ABCB10: variants seen among roughly 807,000 people sequenced by gnomAD.
ABCB10 encodes the protein ATP binding cassette subfamily B member 10.
ABCB10 carries 54 observed loss-of-function variants against 65.4 expected under a neutral mutation model. The observed-to-expected ratio is 0.83, with a 90% confidence interval of 0.66 to 1.04. The LOEUF is 1.04. Among genes scored for constraint, ABCB10 ranks in the 50% least tolerant of loss-of-function variants. The pLI is 0.00. For synonymous variants in ABCB10, 418 were observed against 406.5 expected (o/e 1.03, Z -0.34); for missense variants, 846 against 976.6 (o/e 0.87, Z 1.78).
chr1:229,545,767 A>G (rs751282676), intron 3 of ABCB10, among the ~76,000 whole-genome samples: 1 of 152,252 alleles, frequency 6.6e-6, no homozygotes, highest in Non-Finnish European at 1.5e-5. Context: ...TCTGAAATGC[A>G]TGGGTCAACT....
chr1:229,551,962 A>T (rs114291581), intron 1 of ABCB10, among the ~76,000 whole-genome samples: 1 of 152,210 alleles, frequency 6.6e-6, no homozygotes, highest in Non-Finnish European at 1.5e-5. Flanking sequence ...AGTTTTCTAA[A>T]TCAGTTATGA....
chr1:229,549,327 C>T lies in ABCB10; in HGVS notation c.625G>A (p.Asp209Asn), dbSNP rs200713703. The stretch of plus-strand genomic sequence containing the variant: ...CCTAGGCAGAGGCGGGTCAGGTTGT[C>T]GCTGTAGTCCACAGTGGGGTTGGTA... ...IYTNPTVDYS[D>N]NLTRLCLGLS... The change falls in exon 2 of 13, where the codon GAC (aspartate) becomes AAC (asparagine). Residue 209 changes from aspartate (D) to asparagine (N), a missense_variant. Asp to Asn is a conservative substitution (Grantham distance 23). This residue lies in a region of ABCB10 where 632 missense variants were observed against 803.2 expected (regional missense o/e 0.79). Transcript: ENST00000344517. 13 of 1,613,906 alleles carry T rather than the reference C, an allele frequency of 8.1e-6. No individual in the cohort carries two copies. In the Admixed American group the frequency reaches 1.2e-4, roughly 14 times the overall value.
At chr1:229,534,994 GA>G (rs1028004770) in intron 6 of ABCB10, 3 of 119,268 alleles carry the variant, frequency 2.5e-5, no homozygotes, top group Non-Finnish European at 4.9e-5. Flanking sequence ...GAGCTGAGAT[GA>G]TGCCACTGCA....
At chr1:229,545,937 T>C (rs1662954023) in intron 3 of ABCB10, among the ~76,000 whole-genome samples, 1 of 152,196 alleles carries the variant, frequency 6.6e-6, no homozygotes, top group Non-Finnish European at 1.5e-5. Context: ...TTTGGGAGGC[T>C]GAGGCAGGCA....
intron 8 of ABCB10, among the ~76,000 whole-genome samples, chr1:229,528,332 T>G (rs1662491731): frequency 6.6e-6 from 1 of 151,980 alleles, no homozygotes; most frequent in African/African-American, 2.4e-5. Flanking sequence ...GGTCTTTTTT[T>G]TTTTTCCTTT....
intron 6 of ABCB10, 80 bp downstream of exon 6, chr1:229,539,376 T>C (rs748857551): frequency 3.2e-6 from 5 of 1,543,908 alleles, no homozygotes; most frequent in Non-Finnish European, 4.4e-6. Context: ...ATTGAAGTAA[T>C]GTGAAAGTTC....
intron 5 of ABCB10, among the ~76,000 whole-genome samples, chr1:229,540,333 C>T (rs1458907038): frequency 6.6e-6 from 1 of 152,178 alleles, no homozygotes; most frequent in African/African-American, 2.4e-5. Flanking sequence ...CTTGGTGAGG[C>T]AGACCAGTGC....
Position 229,539,521 on chromosome 1 carries a change from T to G in ABCB10, c.1274A>C (p.His425Pro), listed in dbSNP as rs764273977. Residue 425 changes from histidine to proline, a missense_variant, in exon 6 of 13, where the codon CAC (histidine) becomes CCC (proline). His to Pro is a moderately conservative substitution (Grantham distance 77). This residue lies in a region of ABCB10 where 632 missense variants were observed against 803.2 expected (regional missense o/e 0.79). Coordinates refer to ENST00000344517, the MANE Select transcript of ABCB10 (RefSeq NM_012089.3). ...YKGGLLMGSAHMTVGELSSFL... is the reference protein window; with the variant it reads ...YKGGLLMGSAPMTVGELSSFL... ...GGAAGAGAGTTCACCCACGGTCATGTGGGCACTGCCCATCAGCAGCCCTCC... is the reference window on the plus strand; with the variant it reads ...GGAAGAGAGTTCACCCACGGTCATGGGGGCACTGCCCATCAGCAGCCCTCC... The G allele has an allele frequency of 9.3e-6, 15 of 1,614,078 alleles. No homozygotes were observed. Among genetic ancestry groups the G allele is most frequent in the Non-Finnish European group, 1.1e-5 (13 of 1,179,944 alleles).
chr1:229,529,317 A>AAAAAAAG (rs1662521255), intron 8 of ABCB10, among the ~76,000 whole-genome samples: 1 of 143,636 alleles, frequency 7.0e-6, no homozygotes, highest in Non-Finnish European at 1.5e-5. Context: ...AAAAAAAAAA[A>AAAAAAAG]AAAAAAAAAA....
At chr1:229,521,491 A>C in intron 11 of ABCB10, 101 bp downstream of exon 11, 1 of 1,433,910 alleles carries the variant, frequency 7.0e-7, no homozygotes, top group Non-Finnish European at 9.5e-7. Context: ...AAAAAACAAA[A>C]AACAGGAAAA....
At position 229,549,215 on chromosome 1, in the gene ABCB10, T is replaced by C. The variant is rs3738188; in HGVS notation, c.718+19A>G. ...TCTTCTTCAGGATGACTCACATCCCTGAGAGGAGAGACTGTTACCTGAAGT... is the reference window on the plus strand; with the variant it reads ...TCTTCTTCAGGATGACTCACATCCCCGAGAGGAGAGACTGTTACCTGAAGT... On this transcript the variant is annotated intron_variant, in intron 2 of 12. Coordinates refer to ENST00000344517, the MANE Select transcript of ABCB10 (RefSeq NM_012089.3). The C allele has an allele frequency of 1.2e-6, 2 of 1,613,622 alleles. No individual in the cohort carries two copies. The highest frequency in any genetic ancestry group is 4.5e-5 in the East Asian group (2 of 44,854).
At chr1:229,535,323 A>G (rs1436965965) in intron 6 of ABCB10, 1 of 152,198 alleles carries the variant, frequency 6.6e-6, no homozygotes, top group Non-Finnish European at 1.5e-5. Flanking sequence ...CAAAACTTAG[A>G]AGCAGCCAAG....
At chr1:229,530,466 AACTCGGTTCTCCT>A (rs1662557120) in intron 7 of ABCB10, 58 bp from the exon 8 acceptor site, 4 of 1,577,416 alleles carry the variant, frequency 2.5e-6, no homozygotes, top group Non-Finnish European at 3.5e-6. Flanking sequence ...TCAAAAGCTG[AACTCGGTTCTCCT>A]ACTCATCTGG....
At chr1:229,545,784 T>C (rs1012946686) in intron 3 of ABCB10, among the ~76,000 whole-genome samples, 3 of 152,204 alleles carry the variant, frequency 2.0e-5, no homozygotes, top group African/African-American at 7.2e-5. Context: ...AACTTATACA[T>C]AGATTTTCTT....
intron 3 of ABCB10, among the ~76,000 whole-genome samples, chr1:229,546,030 G>A (rs1662955964): frequency 6.6e-6 from 1 of 152,120 alleles, no homozygotes; most frequent in Non-Finnish European, 1.5e-5. Flanking sequence ...AAATTAGCGA[G>A]GCGTGGTGGC....
intron 11 of ABCB10, among the ~76,000 whole-genome samples, chr1:229,520,167 G>T (rs1662270860): frequency 6.6e-6 from 1 of 151,148 alleles, no homozygotes; most frequent in Admixed American, 6.6e-5. Flanking sequence ...AAATTAAAAA[G>T]ATATGTCTAT....
At chr1:229,519,882 C>A (rs1662262510) in intron 11 of ABCB10, among the ~76,000 whole-genome samples, 1 of 152,146 alleles carries the variant, frequency 6.6e-6, no homozygotes, top group Non-Finnish European at 1.5e-5. Flanking sequence ...TCCCAACACT[C>A]TGGCAGGCTG....
intron 6 of ABCB10, among the ~76,000 whole-genome samples, chr1:229,538,705 A>G (rs1223339493): frequency 6.6e-6 from 1 of 152,210 alleles, no homozygotes; most frequent in African/African-American, 2.4e-5. Context: ...AAATGCCTCT[A>G]CCTTCAACAA....
intron 10 of ABCB10, among the ~76,000 whole-genome samples, chr1:229,524,284 C>A (rs1007172954): frequency 2.0e-5 from 3 of 152,026 alleles, no homozygotes; most frequent in Non-Finnish European, 4.4e-5. Context: ...ACCTCAGCCT[C>A]CCGAGTAGCT....
Sources: allele counts gnomAD v4.1 joint callset (sites outside exome capture counted in the v4.1 genomes callset), GRCh38; gene constraint gnomAD v4.1.1; regional missense constraint gnomAD v4.1.1; transcripts MANE v1.5; gene names NCBI Gene and HGNC (gene_info 2026-07-23, HGNC 2026-07-21).